Variants in AKAP6 observed in about 807,000 individuals in gnomAD.
AKAP6 encodes A-kinase anchor protein 6.
A neutral mutation model predicts 188.5 loss-of-function variants in AKAP6; 58 were observed. The ratio of observed to expected loss-of-function variants is 0.31; its 90% CI spans 0.25 to 0.38. The LOEUF is 0.38. AKAP6 is among the 10% of genes least tolerant of loss of function. AKAP6 has a pLI of 1.00. For missense variants in AKAP6, 2,710 were observed against 2,740.0 expected (o/e 0.99, Z 0.24); for synonymous variants, 989 against 998.6 (o/e 0.99, Z 0.18).
intron 2 of AKAP6, among the ~76,000 whole-genome samples, chr14:32,514,311 A>G (rs951657866): frequency 6.6e-6 from 1 of 152,232 alleles, no homozygotes; most frequent in Non-Finnish European, 1.5e-5. Context: ...CTCAACAGAC[A>G]TACTGTAGTT....
chr14:32,813,554 T>C (rs976751243), intron 12 of AKAP6, among the ~76,000 whole-genome samples: 1 of 152,096 alleles, frequency 6.6e-6, no homozygotes, highest in Non-Finnish European at 1.5e-5. Flanking sequence ...AAAGGGGCCA[T>C]TATGAATAAC....
At chr14:32,703,051 T>C (rs577048981) in intron 9 of AKAP6, among the ~76,000 whole-genome samples, 1 of 152,300 alleles carries the variant, frequency 6.6e-6, no homozygotes, top group East Asian at 1.9e-4. Context: ...CTACAACCTA[T>C]GGAATTATTA....
In AKAP6 at chr14:32,400,563, CAAA is replaced by C. The variant is rs71432051; in HGVS notation, c.-34-32883_-34-32881del. On this transcript the variant is annotated intron_variant, in intron 1 of 13. Coordinates refer to ENST00000280979, the MANE Select transcript of AKAP6 (RefSeq NM_004274.5). ...TTCAAGATATTTAGTCCACTTTTAG[CAAA>C]AAAAAAAAAAAAAGACAGTAAGCAT... is the stretch of plus-strand genomic sequence containing the variant. 1.2e-4 allele frequency among the ~76,000 whole-genome samples: 9 copies of C among 73,976 alleles called. 1 individual carries two copies. The highest frequency in any genetic ancestry group is 2.4e-4 in the Admixed American group (1 of 4,118). The allele number at this position is 73,976 out of a possible 152,430, so 48.5% of individuals were successfully genotyped here. A position where few individuals can be genotyped will look rare whatever the true frequency, so the allele number is the denominator to read the frequency against.
At chr14:32,605,847 T>G (rs1458410831) in intron 7 of AKAP6, among the ~76,000 whole-genome samples, 2 of 152,208 alleles carry the variant, frequency 1.3e-5, no homozygotes, top group Non-Finnish European at 2.9e-5. Flanking sequence ...AGAATTCATC[T>G]TAGGTTTACT....
At position 32,547,941 on chromosome 14, in the gene AKAP6, T is replaced by A. The variant is rs1436965105; in HGVS notation, c.2346+942T>A. Among the ~76,000 whole-genome samples the A allele has an allele frequency of 2.0e-5, 3 of 152,214 alleles. No individual in the cohort carries two copies. The East Asian group carries it at 5.8e-4, about 29-fold the overall frequency. ...GCAAAGAGATTCACTATGATTACTGTGGTAATGGCCGTTTCCTCAGGAGGC... is the reference window on the plus strand; with the variant it reads ...GCAAAGAGATTCACTATGATTACTGAGGTAATGGCCGTTTCCTCAGGAGGC... On this transcript the variant is annotated intron_variant, in intron 4 of 13. Coordinates refer to ENST00000280979, the MANE Select transcript of AKAP6 (RefSeq NM_004274.5).
rs752371509 is a variant in AKAP6 at position 32,535,556 on chromosome 14, C to T, written c.327C>T (p.Asp109=). 6.2e-7 allele frequency: 1 copy of T among 1,612,110 alleles called. No homozygotes were observed. Among genetic ancestry groups the T allele is most frequent in the Non-Finnish European group, 8.5e-7 (1 of 1,178,478 alleles). ...TATGTTGCTTTTCTTTACTGCAGGA[C>T]ATTTGTGAAGATATTTCTGATCATG... The part of the protein sequence containing the change: ...HVDVHLVQLK[D]ICEDISDHVE... Residue 109 remains aspartate, a splice_region_variant and synonymous_variant, in exon 3 of 14, where the codon GAC becomes GAT. Transcript: ENST00000280979.
chr14:32,824,857 A>C, intron 13 of AKAP6, 42 bp downstream of exon 13: 2 of 1,473,014 alleles, frequency 1.4e-6, no homozygotes, highest in Non-Finnish European at 1.8e-6. Context: ...TAAAATATTG[A>C]GTTCAGGTCA....
Position 32,546,652 on chromosome 14 carries a change from G to A in AKAP6, c.1999G>A (p.Asp667Asn), listed in dbSNP as rs770874020. ...CAGAGGAGAAACCATCCAGAATATT[G>A]ATGACTGGGAACTGTCTGAAATGAA... Reference protein sequence around the residue: ...KPRGETIQNIDDWELSEMNSD... With the variant: ...KPRGETIQNINDWELSEMNSD... Residue 667 changes from aspartate (D) to asparagine (N), a missense_variant, in exon 4 of 14, where the codon GAT becomes AAT. Transcript: ENST00000280979. 5 of 1,613,986 alleles carry A rather than the reference G, an allele frequency of 3.1e-6. No individual in the cohort carries two copies. Among genetic ancestry groups the A allele is most frequent in the Non-Finnish European group, 3.4e-6 (4 of 1,180,034 alleles).
chr14:32,424,918 G>C (rs1889980047), intron 1 of AKAP6, among the ~76,000 whole-genome samples: 1 of 152,096 alleles, frequency 6.6e-6, no homozygotes, highest in Non-Finnish European at 1.5e-5. Flanking sequence ...GGGCATTTAG[G>C]TTGATTCCAT....
chr14:32,478,657 G>A (rs1174167651), intron 2 of AKAP6, among the ~76,000 whole-genome samples: 1 of 152,192 alleles, frequency 6.6e-6, no homozygotes, highest in Non-Finnish European at 1.5e-5. Flanking sequence ...GAAAGAAGGT[G>A]AACATTCAGG....
At chr14:32,535,922 G>A (rs1057023181) in intron 3 of AKAP6, 117 bp downstream of exon 3, 6 of 1,432,828 alleles carry the variant, frequency 4.2e-6, no homozygotes, top group Admixed American at 2.2e-5. Flanking sequence ...GGCCCTGATG[G>A]GCTTTGAATC....
intron 2 of AKAP6, among the ~76,000 whole-genome samples, chr14:32,447,561 C>T (rs1468969887): frequency 1.3e-5 from 2 of 152,146 alleles, no homozygotes; most frequent in African/African-American, 4.8e-5. Flanking sequence ...CATTTTTAAA[C>T]AATAAGAATG....
chr14:32,808,138 C>T (rs2034136127), intron 12 of AKAP6, among the ~76,000 whole-genome samples: 1 of 152,212 alleles, frequency 6.6e-6, no homozygotes, highest in African/African-American at 2.4e-5. Context: ...TGAATCTTGT[C>T]ATCCCCAATA....
intron 13 of AKAP6, among the ~76,000 whole-genome samples, chr14:32,827,072 A>G (rs1038282334): frequency 9.2e-5 from 14 of 152,200 alleles, no homozygotes; most frequent in Non-Finnish European, 1.9e-4. Flanking sequence ...AACTGGGTAT[A>G]AATAGTCACA....
At chr14:32,788,527 G>T (rs1052925128) in intron 12 of AKAP6, among the ~76,000 whole-genome samples, 1 of 152,196 alleles carries the variant, frequency 6.6e-6, no homozygotes, top group Non-Finnish European at 1.5e-5. Flanking sequence ...AAAGCAGGGG[G>T]TGGGGGCAAC....
At chr14:32,423,467 C>A (rs368265966) in intron 1 of AKAP6, among the ~76,000 whole-genome samples, 6 of 152,280 alleles carry the variant, frequency 3.9e-5, no homozygotes, top group African/African-American at 1.2e-4. Flanking sequence ...GCATGAGCCA[C>A]CATGCCTAGC....
chr14:32,585,616 G>A (rs568442782), intron 5 of AKAP6, among the ~76,000 whole-genome samples: 2 of 152,196 alleles, frequency 1.3e-5, no homozygotes, highest in East Asian at 1.9e-4. Context: ...GTCTAAGAGA[G>A]GTAACGATAG....
chr14:32,622,591 G>C (rs1460659644), intron 7 of AKAP6, among the ~76,000 whole-genome samples: 1 of 151,996 alleles, frequency 6.6e-6, no homozygotes, highest in East Asian at 1.9e-4. Context: ...CTCCCTCAAA[G>C]GGTTATTGAA....
intron 1 of AKAP6, among the ~76,000 whole-genome samples, chr14:32,398,803 T>TCTCC (rs1484561003): frequency 2.4e-4 from 28 of 118,654 alleles, no homozygotes; most frequent in African/African-American, 6.6e-4. Flanking sequence ...TCTCTCTCTC[T>TCTCC]CCCCCTCCCC....
Sources: gnomAD v4.1 joint callset for allele counts (sites outside exome capture counted in the v4.1 genomes callset) on GRCh38, gnomAD v4.1.1 for gene constraint, MANE v1.5 for transcripts, NCBI Gene and HGNC (gene_info 2026-07-23, HGNC 2026-07-21) for gene names.